The following ACADL variants were observed in gnomAD, a reference collection of about 807,000 sequenced individuals.
ACADL encodes the protein long-chain specific acyl-CoA dehydrogenase, mitochondrial.
In ACADL, 60 loss-of-function variants were observed where a neutral mutation model predicts 56.9. The observed-to-expected ratio is 1.05, with a 90% CI of 0.86 to 1.31. The LOEUF (loss-of-function observed/expected upper bound fraction) is 1.31, where lower values mean the gene tolerates loss of function less well. ACADL is among the 50% of genes most tolerant of loss of function. The pLI is 0.00. For missense variants in ACADL, 484 were observed against 525.5 expected (o/e 0.92, Z 0.77); for synonymous variants, 158 against 179.7 (o/e 0.88, Z 0.97).
chr2:210,203,950 G>A (rs747236848), intron 7 of ACADL, among the ~76,000 whole-genome samples: 3 of 152,164 alleles, frequency 2.0e-5, no homozygotes, highest in Non-Finnish European at 2.9e-5. Flanking sequence ...TCTGCACACT[G>A]TATGACTCAA....
intron 5 of ACADL, among the ~76,000 whole-genome samples, chr2:210,207,173 TC>T (rs1688899668): frequency 6.6e-6 from 1 of 152,202 alleles, no homozygotes; most frequent in Non-Finnish European, 1.5e-5. Flanking sequence ...TTTCTTAAGT[TC>T]CTACAACTGA....
intron 9 of ACADL, among the ~76,000 whole-genome samples, chr2:210,193,994 A>G (rs73065817): frequency 0.016 from 2,465 of 152,270 alleles, 68 homozygotes; most frequent in African/African-American, 0.056. Flanking sequence ...TGGGGACAAT[A>G]ATATTTGGAT....
intron 8 of ACADL, among the ~76,000 whole-genome samples, chr2:210,200,188 G>T (rs1025604718): frequency 6.6e-6 from 1 of 152,094 alleles, no homozygotes; most frequent in Non-Finnish European, 1.5e-5. Context: ...ATATTGCCAG[G>T]AGCGTAGTAT....
At chr2:210,206,619 G>A (rs934598700) in intron 5 of ACADL, among the ~76,000 whole-genome samples, 2 of 152,072 alleles carry the variant, frequency 1.3e-5, no homozygotes, top group African/African-American at 4.8e-5. Flanking sequence ...AAAATGACAA[G>A]CCAAATGAGA....
chr2:210,219,243 C>A (rs2125718223), intron 2 of ACADL, among the ~76,000 whole-genome samples: 1 of 152,196 alleles, frequency 6.6e-6, no homozygotes, highest in South Asian at 2.1e-4. Context: ...AATTTAAAAG[C>A]AGTGAGAAAT....
intron 1 of ACADL, among the ~76,000 whole-genome samples, chr2:210,221,799 G>T (rs1689179410): frequency 6.6e-6 from 1 of 151,202 alleles, no homozygotes. Context: ...TGCAATCTTG[G>T]CTCACTGCAA....
intron 4 of ACADL, among the ~76,000 whole-genome samples, chr2:210,216,068 G>A (rs573888958): frequency 6.6e-6 from 1 of 152,224 alleles, no homozygotes; most frequent in African/African-American, 2.4e-5. Context: ...AAACTGCTTG[G>A]CATTTACATG....
intron 4 of ACADL, among the ~76,000 whole-genome samples, chr2:210,213,258 G>A (rs1164320722): frequency 6.6e-6 from 1 of 152,176 alleles, no homozygotes; most frequent in East Asian, 1.9e-4. Flanking sequence ...CCAGCACTTT[G>A]GGAGGCCAAG....
In ACADL at chr2:210,220,809, AAT is replaced by A. The variant is rs1384331437; in HGVS notation, c.78-9_78-8del. 6.3e-7 allele frequency: 1 copy of A among 1,584,664 alleles called. No homozygotes were observed. Among genetic ancestry groups the A allele is most frequent in the Non-Finnish European group, 8.6e-7 (1 of 1,162,034 alleles). On this transcript the variant is annotated splice_polypyrimidine_tract_variant and splice_region_variant and intron_variant, in intron 1 of 10. Transcript: ENST00000233710. Reference sequence around the variant, plus strand: ...CCCTCCGGAATGAGAACATCTTAAAAATATATATATGCAATAGGAAAAGTAAG... The same window carrying A: ...CCCTCCGGAATGAGAACATCTTAAAAATATATATGCAATAGGAAAAGTAAG...
chr2:210,206,944 T>C (rs1173217120), intron 5 of ACADL, among the ~76,000 whole-genome samples: 1 of 152,186 alleles, frequency 6.6e-6, no homozygotes, highest in Non-Finnish European at 1.5e-5. Context: ...TTCCACCTGA[T>C]GACTCATGGG....
chr2:210,201,469 A>G (rs1688791850), intron 8 of ACADL, among the ~76,000 whole-genome samples: 1 of 152,212 alleles, frequency 6.6e-6, no homozygotes, highest in Non-Finnish European at 1.5e-5. Flanking sequence ...ACAATTTTGC[A>G]AATCAAATAC....
intron 10 of ACADL, among the ~76,000 whole-genome samples, chr2:210,191,706 A>AT (rs1177116196): frequency 1.3e-5 from 2 of 152,216 alleles, no homozygotes; most frequent in African/African-American, 2.4e-5. Context: ...GATACTTTAT[A>AT]TTAAGATAAT....
At chr2:210,195,437 G>A (rs1418229876) in intron 8 of ACADL, 99 bp from the exon 9 acceptor site, 1 of 1,306,376 alleles carries the variant, frequency 7.7e-7, no homozygotes, top group Non-Finnish European at 1.1e-6. Flanking sequence ...AAGATCTTTA[G>A]GGCAAACAAA....
At chr2:210,205,840 A>G (rs1336852711) in intron 5 of ACADL, 44 bp from the exon 6 acceptor site, 1 of 1,605,892 alleles carries the variant, frequency 6.2e-7, no homozygotes, top group East Asian at 2.2e-5. Flanking sequence ...TGATAATTCA[A>G]TTCTATGTGC....
chr2:210,209,257 G>T (rs892702091), intron 5 of ACADL, among the ~76,000 whole-genome samples: 15 of 152,158 alleles, frequency 9.9e-5, no homozygotes, highest in South Asian at 2.1e-4. Flanking sequence ...TTTTAGAACA[G>T]TAAATAAAAT....
intron 8 of ACADL, among the ~76,000 whole-genome samples, chr2:210,198,745 G>A (rs1229244289): frequency 6.6e-6 from 1 of 152,022 alleles, no homozygotes; most frequent in African/African-American, 2.4e-5. Flanking sequence ...TACTTATATA[G>A]ATTTGTGAAG....
At chr2:210,210,334 T>G in intron 4 of ACADL, 72 bp from the exon 5 acceptor site, 1 of 1,156,074 alleles carries the variant, frequency 8.6e-7, no homozygotes, top group Non-Finnish European at 1.3e-6. Context: ...TATAAGTATG[T>G]ATGTAAATTA....
intron 1 of ACADL, among the ~76,000 whole-genome samples, 188 bp from the exon 2 acceptor site, chr2:210,220,990 A>G (rs1689168002): frequency 6.6e-6 from 1 of 152,156 alleles, no homozygotes. Context: ...TACCTCATGT[A>G]GCTGGAATTA....
Position 210,188,831 on chromosome 2 carries a change from T to A in ACADL, c.*130A>T, listed in dbSNP as rs1389832412. On this transcript the variant is annotated 3_prime_UTR_variant, in exon 11 of 11. Coordinates refer to ENST00000233710, the MANE Select transcript of ACADL (RefSeq NM_001608.4). ...CTGTGTTAATCTTATATTTATATTT[T>A]ATTTCCTTCTCTATAGAGAGAGCAG... 1 of 701,674 alleles carries A rather than the reference T, an allele frequency of 1.4e-6. No individual in the cohort carries two copies. Among genetic ancestry groups the A allele is most frequent in the Non-Finnish European group, 2.6e-6 (1 of 391,058 alleles). 43.5% of individuals were successfully genotyped at this position (701,674 alleles called of 1,614,324 possible).
Sources: allele counts gnomAD v4.1 joint callset (sites outside exome capture counted in the v4.1 genomes callset), GRCh38; gene constraint gnomAD v4.1.1; transcripts MANE v1.5; gene names NCBI Gene and HGNC (gene_info 2026-07-23, HGNC 2026-07-21).